ZNF705A: variants seen among roughly 807,000 people sequenced by gnomAD.
ZNF705A encodes the protein zinc finger protein 705A.
In ZNF705A, 8 loss-of-function variants were observed where a neutral mutation model predicts 16.6. That is an observed-to-expected ratio of 0.48 (90% CI 0.28 to 0.87). ZNF705A has a LOEUF of 0.87. Ranked by LOEUF, ZNF705A falls within the 40% of genes least tolerant of loss-of-function variation. The pLI is 0.10. For synonymous variants in ZNF705A, 73 were observed against 117.3 expected, an observed-to-expected ratio of 0.62 and a Z score of 2.44; for missense variants, 233 against 359.9, an observed-to-expected ratio of 0.65 and a Z score of 2.85.
At chr12:8,161,788 C>T (rs1215664630) in intron 1 of ZNF705A, among the ~76,000 whole-genome samples, 5 of 152,106 alleles carry the variant, frequency 3.3e-5, no homozygotes, top group Admixed American at 6.6e-5. Flanking sequence ...CCCAAAAGCA[C>T]GGAGGCCGCC....
At chr12:8,177,753 A>G in exon 5 of ZNF705A, 2 of 1,115,884 alleles carry the variant, frequency 1.8e-6, no homozygotes, top group South Asian at 3.3e-5. Flanking sequence ...AGGAATGACG[A>G]AGGTAAGGAA....
exon 5 of ZNF705A, chr12:8,178,471 T>C (rs1157229005): frequency 6.6e-6 from 1 of 152,524 alleles, no homozygotes; most frequent in African/African-American, 2.4e-5. Flanking sequence ...ATTAAGTTTC[T>C]CACATTGAGG....
chr12:8,180,027 A>G (rs1387320184), exon 5 of ZNF705A: 3 of 152,248 alleles, frequency 2.0e-5, no homozygotes, highest in African/African-American at 7.2e-5. Context: ...ATCTTCTTCA[A>G]TTAAAGCACA....
upstream of ZNF705A, among the ~76,000 whole-genome samples, chr12:8,169,833 C>T (rs1948430068): frequency 6.6e-6 from 1 of 152,130 alleles, no homozygotes; most frequent in South Asian, 2.1e-4. Context: ...TTAATTTTTA[C>T]AGTTGCCGTT....
At chr12:8,157,864 C>T (rs74060105) in intron 1 of ZNF705A, among the ~76,000 whole-genome samples, 6,335 of 152,144 alleles carry the variant, frequency 0.042, 330 homozygotes, top group African/African-American at 0.12. Flanking sequence ...CCAGGAAGAA[C>T]AGACCCAAAT....
intron 1 of ZNF705A, among the ~76,000 whole-genome samples, chr12:8,159,243 A>G (rs150575168): frequency 3.5e-3 from 534 of 152,198 alleles, no homozygotes; most frequent in African/African-American, 0.012. Context: ...TGGTTCCATG[A>G]CTTTGCAATT....
intron 1 of ZNF705A, among the ~76,000 whole-genome samples, chr12:8,164,788 A>G (rs866660791): frequency 2.0e-5 from 3 of 152,204 alleles, no homozygotes; most frequent in Admixed American, 2.0e-4. Flanking sequence ...TAGTGCTGCA[A>G]TGAACATATG....
upstream of ZNF705A, among the ~76,000 whole-genome samples, chr12:8,167,763 C>T (rs1168967509): frequency 6.6e-6 from 1 of 152,194 alleles, no homozygotes; most frequent in Non-Finnish European, 1.5e-5. Flanking sequence ...TCCTTGCCTC[C>T]TCAGAAGAAA....
exon 5 of ZNF705A, chr12:8,179,964 A>G (rs1948519176): frequency 6.7e-6 from 1 of 149,272 alleles, no homozygotes; most frequent in Non-Finnish European, 1.5e-5. Flanking sequence ...CTCCACATAG[A>G]GGGAATCAAT....
At chr12:8,159,563 T>C (rs1236711091) in intron 1 of ZNF705A, among the ~76,000 whole-genome samples, 4 of 152,214 alleles carry the variant, frequency 2.6e-5, no homozygotes, top group African/African-American at 9.6e-5. Context: ...TCATTAGTGA[T>C]GCTGAGGATT....
At position 8,175,725 on chromosome 12, in the gene ZNF705A, A is replaced by C. The variant is rs181237542; in HGVS notation, c.236-135A>C. On this transcript the variant is annotated intron_variant, in intron 3 of 4. Coordinates refer to ENST00000359286, the Ensembl canonical transcript of ZNF705A. Reference sequence around the variant, plus strand: ...ACTGTACAATCTATTTCTTCTATTCAAGTAGTTTCTTCATTTGACACACTT... The same window carrying C: ...ACTGTACAATCTATTTCTTCTATTCCAGTAGTTTCTTCATTTGACACACTT... The C allele has an allele frequency of 3.3e-3, 4,097 of 1,244,796 alleles. 14 individuals carry two copies. The highest frequency in any genetic ancestry group is 4.2e-3 in the Middle Eastern group (15 of 3,586). 77.1% of individuals were successfully genotyped at this position (1,244,796 alleles called of 1,614,324 possible). A position where few individuals can be genotyped will look rare whatever the true frequency, so the allele number is the denominator to read the frequency against.
rs748205507 is a variant in ZNF705A, at chr12:8,174,305, A to G, written c.13-21A>G. The G allele has an allele frequency of 1.7e-4, 267 of 1,593,292 alleles. 2 individuals carry two copies. The South Asian group carries it at 2.8e-3, about 17-fold the overall frequency. On this transcript the variant is annotated intron_variant, in intron 1 of 4. Coordinates refer to ENST00000359286, the Ensembl canonical transcript of ZNF705A. ...TGAAAGGGATTTCTCTGTCTAAACT[A>G]AAATGTCTGTGATGTTTTAGAAGAA...
chr12:8,170,592 A>G (rs1468405470), upstream of ZNF705A, among the ~76,000 whole-genome samples: 1 of 152,196 alleles, frequency 6.6e-6, no homozygotes, highest in African/African-American at 2.4e-5. Context: ...TATTCTCTAA[A>G]GCCCAAATCT....
chr12:8,167,750 C>A (rs756267127), upstream of ZNF705A, among the ~76,000 whole-genome samples: 95 of 152,342 alleles, frequency 6.2e-4, no homozygotes, highest in South Asian at 1.7e-3. Context: ...TAAGAAACTT[C>A]AGTCCTTGCC....
At chr12:8,174,623 T>TTTTTA in intron 2 of ZNF705A, among the ~76,000 whole-genome samples, 171 bp downstream of exon 3, 1 of 152,354 alleles carries the variant, frequency 6.6e-6, no homozygotes, top group African/African-American at 2.4e-5. Flanking sequence ...AATATCTTTC[T>TTTTTA]TTTTATTTTA....
At chr12:8,167,944 C>T (rs538641791), upstream of ZNF705A, among the ~76,000 whole-genome samples, 65 of 152,328 alleles carry the variant, frequency 4.3e-4, no homozygotes, top group Non-Finnish European at 8.1e-4. Flanking sequence ...GAGGCTTTAA[C>T]CTTGATCCTG....
intron 1 of ZNF705A, among the ~76,000 whole-genome samples, 200 bp downstream of exon 1, chr12:8,157,292 C>T (rs902371169): frequency 7.9e-5 from 12 of 152,132 alleles, no homozygotes; most frequent in Non-Finnish European, 1.3e-4. Context: ...AATCAGGAAG[C>T]AATCTAAACA....
chr12:8,164,188 AC>A (rs1193701467), intron 1 of ZNF705A, among the ~76,000 whole-genome samples: 1 of 152,200 alleles, frequency 6.6e-6, no homozygotes, highest in Admixed American at 6.5e-5. Flanking sequence ...GACCTCCAGA[AC>A]TTACTTACGT....
chr12:8,176,735 G>A lies in ZNF705A; in HGVS notation c.319-264G>A, dbSNP rs139904316. 7.4e-3 allele frequency among the ~76,000 whole-genome samples: 1,124 copies of A among 152,274 alleles called. 8 individuals carry two copies. Among genetic ancestry groups the A allele is most frequent in the African/African-American group, 0.02 (846 of 41,528 alleles). On this transcript the variant is annotated intron_variant, in intron 4 of 4. Transcript: ENST00000359286. ...CTTGTGGGCAAAATATGGGGGAGGC[G>A]TGTAGCTTTTCATCTTGTAGCCGTA...
Sources: allele counts gnomAD v4.1 joint callset (sites outside exome capture counted in the v4.1 genomes callset), GRCh38; gene constraint gnomAD v4.1.1; transcripts MANE v1.5; gene names NCBI Gene and HGNC (gene_info 2026-07-23, HGNC 2026-07-21).